The following DIP2B variants were observed in gnomAD, a reference collection of about 807,000 sequenced individuals.
DIP2B encodes the protein disco-interacting protein 2 homolog B.
Under a neutral mutation model 198.0 loss-of-function variants are expected in DIP2B, and 76 were observed. The observed-to-expected ratio is 0.38, with a 90% CI of 0.32 to 0.46. The LOEUF is 0.46. Ranked by LOEUF, DIP2B falls within the 20% of genes least tolerant of loss-of-function variation. DIP2B has a pLI of 0.99. For missense variants in DIP2B, 1,559 were observed against 1,978.4 expected (o/e 0.79, Z 4.02); for synonymous variants, 701 against 739.1 (o/e 0.95, Z 0.84).
chr12:50,544,631 T>C (rs199665378), intron 1 of DIP2B, among the ~76,000 whole-genome samples: 38,948 of 148,532 alleles, frequency 0.26, 5,546 homozygotes, highest in East Asian at 0.38. Context: ...TTTCTTTTTT[T>C]TTTTTTTTTT....
chr12:50,603,488 T>C (rs1958956303), intron 1 of DIP2B, among the ~76,000 whole-genome samples: 1 of 151,772 alleles, frequency 6.6e-6, no homozygotes, highest in Non-Finnish European at 1.5e-5. Context: ...CCTATAATCC[T>C]AGCACTTTGG....
intron 1 of DIP2B, among the ~76,000 whole-genome samples, chr12:50,575,797 G>A (rs542703470): frequency 6.8e-4 from 103 of 150,744 alleles, no homozygotes; most frequent in Non-Finnish European, 1.4e-3. Flanking sequence ...TTGCTTTGTC[G>A]CCCAGGCTGG....
intron 5 of DIP2B, among the ~76,000 whole-genome samples, chr12:50,674,079 G>A (rs1387554560): frequency 2.0e-5 from 3 of 152,008 alleles, no homozygotes; most frequent in East Asian, 1.9e-4. Context: ...AGAAATGTTC[G>A]AGAGACTGCA....
At chr12:50,731,640 C>CT (rs1940044564) in intron 31 of DIP2B, 103 bp downstream of exon 31, 1 of 1,355,860 alleles carries the variant, frequency 7.4e-7, no homozygotes, top group African/African-American at 1.5e-5. Context: ...GTTTGCTTGC[C>CT]TTTTTCAAGT....
rs56164107 is a variant in DIP2B, at chr12:50,645,255, TCC to T, written c.301+4404_301+4405del. Among the ~76,000 whole-genome samples the T allele has an allele frequency of 1.6e-3, 247 of 152,284 alleles. 2 individuals are homozygous for T. The highest frequency in any genetic ancestry group is 2.2e-3 in the Non-Finnish European group (148 of 68,014). On this transcript the variant is annotated intron_variant, in intron 3 of 37. Coordinates refer to ENST00000301180, the MANE Select transcript of DIP2B (RefSeq NM_173602.3). ...AAATTTTAAATAGTCATGTTCTTTATCCAGAAATTCTACTTCTAGGAATTCAT... is the reference window on the plus strand; with the variant it reads ...AAATTTTAAATAGTCATGTTCTTTATAGAAATTCTACTTCTAGGAATTCAT...
At chr12:50,681,243 C>G (rs1411698799) in intron 9 of DIP2B, among the ~76,000 whole-genome samples, 1 of 151,972 alleles carries the variant, frequency 6.6e-6, no homozygotes, top group Non-Finnish European at 1.5e-5. Flanking sequence ...CCAGCCTGGG[C>G]AACATAGTGA....
In DIP2B at chr12:50,517,724, T is replaced by C. The variant is rs115133229; in HGVS notation, c.100+12484T>C. On this transcript the variant is annotated intron_variant, in intron 1 of 37. Coordinates refer to ENST00000301180, the MANE Select transcript of DIP2B (RefSeq NM_173602.3). ...ATATTTGTTGTCTGCTCTCTAGCCA[T>C]GCCAGATGACTTGCACTTCCATGAA... is the stretch of plus-strand genomic sequence containing the variant. 2.3e-3 allele frequency among the ~76,000 whole-genome samples: 349 copies of C among 152,358 alleles called. 2 individuals carry two copies. The highest frequency in any genetic ancestry group is 7.8e-3 in the African/African-American group (324 of 41,576).
intron 1 of DIP2B, among the ~76,000 whole-genome samples, chr12:50,527,242 G>T (rs534297620): frequency 6.6e-6 from 1 of 152,164 alleles, no homozygotes; most frequent in Non-Finnish European, 1.5e-5. Flanking sequence ...TCTAGTTTAT[G>T]CAAACAGTGT....
chr12:50,740,364 G>T lies in DIP2B; in HGVS notation c.4354+778G>T, dbSNP rs944955025. On this transcript the variant is annotated intron_variant, in intron 36 of 37. Transcript: ENST00000301180. ...TGCCCTGGTTTTGCAGCCCACCTCT[G>T]CCACTTGCTGGGTGACCTTGAGCAA... Among the ~76,000 whole-genome samples, 3 of 152,328 alleles carry T rather than the reference G, an allele frequency of 2.0e-5. No homozygotes were observed. In the East Asian group the frequency reaches 5.8e-4, roughly 29 times the overall value.
At chr12:50,592,043 A>G (rs1226944525) in intron 1 of DIP2B, among the ~76,000 whole-genome samples, 1 of 151,484 alleles carries the variant, frequency 6.6e-6, no homozygotes, top group Admixed American at 6.6e-5. Context: ...ATGCCCAGCT[A>G]ATTTTTGTGT....
Position 50,718,890 on chromosome 12 carries a change from G to T in DIP2B, c.2962-65G>T, listed in dbSNP as rs966916469. 10 of 1,611,276 alleles carry T rather than the reference G, an allele frequency of 6.2e-6. No homozygotes were observed. The African/African-American group carries it at 8.0e-5, about 13-fold the overall frequency. ...GAACTTACTGCAGGTAGCAGCTGGG[G>T]GATGCATTATATGACTTGTTATAAG... On this transcript the variant is annotated intron_variant, in intron 24 of 37. Coordinates refer to ENST00000301180, the MANE Select transcript of DIP2B (RefSeq NM_173602.3).
chr12:50,738,449 A>C (rs141364983), intron 35 of DIP2B, among the ~76,000 whole-genome samples: 360 of 152,280 alleles, frequency 2.4e-3, no homozygotes, highest in Middle Eastern at 3.4e-3. Flanking sequence ...TTTGAGGCCA[A>C]CTGGGCAACA....
At chr12:50,588,184 C>T (rs570467123) in intron 1 of DIP2B, among the ~76,000 whole-genome samples, 1 of 151,696 alleles carries the variant, frequency 6.6e-6, no homozygotes, top group African/African-American at 2.4e-5. Flanking sequence ...GACAGTCTCA[C>T]TCTGTTGCCC....
intron 37 of DIP2B, among the ~76,000 whole-genome samples, chr12:50,743,410 G>T (rs1401710973): frequency 6.6e-6 from 1 of 152,128 alleles, no homozygotes; most frequent in Admixed American, 6.6e-5. Flanking sequence ...ATTTAGCCCT[G>T]CATACCAAGT....
At chr12:50,554,892 C>T (rs957946535) in intron 1 of DIP2B, among the ~76,000 whole-genome samples, 1 of 151,898 alleles carries the variant, frequency 6.6e-6, no homozygotes, top group Non-Finnish European at 1.5e-5. Flanking sequence ...CTCAGGCTCC[C>T]GAGTAGTTGG....
chr12:50,592,001 C>G (rs769553265), intron 1 of DIP2B, among the ~76,000 whole-genome samples: 24 of 151,814 alleles, frequency 1.6e-4, no homozygotes, highest in Non-Finnish European at 2.6e-4. Context: ...CCTCAGCCTC[C>G]CAAGTAGCTG....
intron 1 of DIP2B, among the ~76,000 whole-genome samples, chr12:50,508,700 A>C (rs1472947717): frequency 2.2e-5 from 3 of 138,018 alleles, no homozygotes; most frequent in Non-Finnish European, 4.6e-5. Context: ...TTTTTCTCTA[A>C]GGAAATGCTA....
At chr12:50,667,578 T>A (rs1327040944) in intron 4 of DIP2B, among the ~76,000 whole-genome samples, 8 of 152,206 alleles carry the variant, frequency 5.3e-5, no homozygotes, top group Non-Finnish European at 1.2e-4. Flanking sequence ...TACATAATCG[T>A]CTTTTAACTT....
chr12:50,674,753 A>G (rs1938916340), intron 6 of DIP2B, 124 bp downstream of exon 6: 1 of 1,189,116 alleles, frequency 8.4e-7, no homozygotes, highest in South Asian at 1.5e-5. Flanking sequence ...CCCACTAATA[A>G]CTAATCCTGG....
Sources: gnomAD v4.1 joint callset for allele counts (sites outside exome capture counted in the v4.1 genomes callset) on GRCh38, gnomAD v4.1.1 for gene constraint, MANE v1.5 for transcripts, NCBI Gene and HGNC (gene_info 2026-07-23, HGNC 2026-07-21) for gene names.